The following HDAC9 variants were observed in gnomAD, a reference collection of about 807,000 sequenced individuals.
HDAC9 encodes the protein histone deacetylase 9, also known as MEF-2 interacting transcription repressor (MITR) protein.
A neutral mutation model predicts 139.4 loss-of-function variants in HDAC9; 41 were observed. The ratio of observed to expected loss-of-function variants is 0.29; its 90% CI spans 0.23 to 0.38. The LOEUF (loss-of-function observed/expected upper bound fraction) is 0.38, where lower values mean the gene tolerates loss of function less well. Among genes scored for constraint, HDAC9 ranks in the 10% least tolerant of loss-of-function variants. The probability of loss-of-function intolerance (pLI) is 1.00; values close to 1 mark genes in which losing one functional copy is unlikely to be tolerated. For synonymous variants in HDAC9, 517 were observed against 476.2 expected, an observed-to-expected ratio of 1.09 and a Z score of -1.12; for missense variants, 1,147 against 1,297.0, an observed-to-expected ratio of 0.88 and a Z score of 1.78.
chr7:18,397,949 G>T (rs1176469029), intron 1 of HDAC9, among the ~76,000 whole-genome samples: 1 of 152,124 alleles, frequency 6.6e-6, no homozygotes, highest in East Asian at 1.9e-4. Flanking sequence ...TAAGAAGCGG[G>T]AGCTGGCAAG....
At position 18,268,983 on chromosome 7, in the gene HDAC9, A is replaced by G. The variant is rs151011831; in HGVS notation, c.25+106634A>G. Among the ~76,000 whole-genome samples the G allele has an allele frequency of 1.5e-3, 229 of 152,322 alleles. 2 individuals are homozygous for G. Among genetic ancestry groups the G allele is most frequent in the African/African-American group, 5.3e-3 (220 of 41,582 alleles). On this transcript the variant is annotated intron_variant, in intron 2 of 12. Coordinates refer to the HDAC9 transcript ENST00000417496. ...AAGTAATGGTACAATCTCATTTTAT[A>G]CAGCATTACACAAAATCAGGATTCT...
At chr7:18,518,443 G>A (rs1257919768) in intron 2 of HDAC9, among the ~76,000 whole-genome samples, 1 of 152,114 alleles carries the variant, frequency 6.6e-6, no homozygotes, top group Admixed American at 6.6e-5. Flanking sequence ...TGTGTCCCTA[G>A]CAAACGTAAG....
chr7:18,761,142 C>A (rs1344526449), intron 14 of HDAC9, among the ~76,000 whole-genome samples: 1 of 152,200 alleles, frequency 6.6e-6, no homozygotes, highest in African/African-American at 2.4e-5. Context: ...GAAAGCACAG[C>A]CATTTCCAAA....
chr7:18,366,397 C>G (rs556825875), intron 1 of HDAC9, among the ~76,000 whole-genome samples: 1 of 152,100 alleles, frequency 6.6e-6, no homozygotes, highest in Non-Finnish European at 1.5e-5. Context: ...GCAGTTGGCC[C>G]AGGACACCAG....
chr7:18,351,969 A>G (rs535360733), intron 1 of HDAC9, among the ~76,000 whole-genome samples: 33 of 152,332 alleles, frequency 2.2e-4, no homozygotes, highest in African/African-American at 6.7e-4. Context: ...TGTGTGTGGA[A>G]CAGAACAGAA....
chr7:18,809,220 A>G (rs2129188900), intron 17 of HDAC9, among the ~76,000 whole-genome samples: 1 of 152,172 alleles, frequency 6.6e-6, no homozygotes, highest in Non-Finnish European at 1.5e-5. Context: ...AACATAAGAC[A>G]TGAAACTATA....
At chr7:18,153,980 G>A (rs1786981776) in intron 1 of HDAC9, among the ~76,000 whole-genome samples, 1 of 152,178 alleles carries the variant, frequency 6.6e-6, no homozygotes, top group African/African-American at 2.4e-5. Flanking sequence ...TGAGTAAAAC[G>A]ATCAGTGATA....
At chr7:18,488,525 G>T (rs1303408811) in intron 1 of HDAC9, among the ~76,000 whole-genome samples, 1 of 151,926 alleles carries the variant, frequency 6.6e-6, no homozygotes, top group Non-Finnish European at 1.5e-5. Flanking sequence ...GCAAAGTTGG[G>T]TCTGAAGCTG....
At chr7:18,507,484 C>T (rs1024812095) in intron 2 of HDAC9, among the ~76,000 whole-genome samples, 17 of 151,296 alleles carry the variant, frequency 1.1e-4, no homozygotes, top group Non-Finnish European at 1.9e-4. Flanking sequence ...TGAGCCACCG[C>T]ACCCGGCTAT....
At chr7:18,680,133 A>G (rs1457196655) in intron 12 of HDAC9, among the ~76,000 whole-genome samples, 1 of 152,024 alleles carries the variant, frequency 6.6e-6, no homozygotes, top group Non-Finnish European at 1.5e-5. Flanking sequence ...ACATGAAAGT[A>G]TGGATATGTT....
intron 1 of HDAC9, among the ~76,000 whole-genome samples, chr7:18,358,863 T>C (rs1019586375): frequency 6.6e-6 from 1 of 152,202 alleles, no homozygotes; most frequent in Non-Finnish European, 1.5e-5. Context: ...GTTAGAAGAA[T>C]GTGGTGAGGA....
intron 2 of HDAC9, among the ~76,000 whole-genome samples, chr7:18,189,348 G>C (rs994831604): frequency 6.6e-6 from 1 of 151,964 alleles, no homozygotes; most frequent in Non-Finnish European, 1.5e-5. Flanking sequence ...GTTGAGGGGT[G>C]GGGGGTGAGG....
intron 2 of HDAC9, among the ~76,000 whole-genome samples, chr7:18,497,078 C>A (rs927967892): frequency 1.3e-5 from 2 of 152,090 alleles, no homozygotes; most frequent in African/African-American, 2.4e-5. Context: ...AGCTTGTCAG[C>A]CTTGTCAATT....
intron 13 of HDAC9, among the ~76,000 whole-genome samples, chr7:18,739,734 C>T (rs953134663): frequency 1.3e-5 from 2 of 152,190 alleles, no homozygotes; most frequent in East Asian, 1.9e-4. Context: ...GGGACCCACT[C>T]GAGGAGGCAG....
chr7:18,734,654 G>A (rs143160425), intron 13 of HDAC9, among the ~76,000 whole-genome samples: 57 of 152,272 alleles, frequency 3.7e-4, no homozygotes, highest in African/African-American at 1.3e-3. Flanking sequence ...CATTTGAGTC[G>A]ATTCCAGGTC....
intron 14 of HDAC9, among the ~76,000 whole-genome samples, chr7:18,753,004 G>T (rs191649085): frequency 6.6e-6 from 1 of 152,126 alleles, no homozygotes. Flanking sequence ...GGTACTTTTG[G>T]CCTGGACACC....
intron 24 of HDAC9, 52 bp from the exon 25 acceptor site, chr7:18,975,754 T>A (rs1300556129): frequency 1.3e-6 from 2 of 1,553,160 alleles, no homozygotes; most frequent in East Asian, 4.5e-5. Flanking sequence ...GTATTCTGAT[T>A]ATTACTGCTG....
At position 18,996,004 on chromosome 7, in the gene HDAC9, T is replaced by A; in HGVS notation, c.3171-19T>A. On this transcript the variant is annotated intron_variant, in intron 25 of 25. Transcript: ENST00000686413. ...GTGTACTCTTATGCCGTATTCTGAT[T>A]GCCTGTTTATTTTTACAGAACTGCT... 7 of 1,586,470 alleles carry A rather than the reference T, an allele frequency of 4.4e-6. No homozygotes were observed. Among genetic ancestry groups the A allele is most frequent in the Non-Finnish European group, 6.0e-6 (7 of 1,164,618 alleles).
chr7:18,811,387 T>G (rs1216735706), intron 17 of HDAC9, among the ~76,000 whole-genome samples: 1 of 151,850 alleles, frequency 6.6e-6, no homozygotes, highest in Non-Finnish European at 1.5e-5. Flanking sequence ...TGCTATAAAT[T>G]TCCTTCTAAA....
Sources: gnomAD v4.1 joint callset for allele counts (sites outside exome capture counted in the v4.1 genomes callset) on GRCh38, gnomAD v4.1.1 for gene constraint, MANE v1.5 for transcripts, NCBI Gene and HGNC (gene_info 2026-07-23, HGNC 2026-07-21) for gene names.